Variants in PUM2 observed in about 807,000 individuals in gnomAD.
PUM2 encodes the protein pumilio homolog 2.
A neutral mutation model predicts 124.5 loss-of-function variants in PUM2; 57 were observed. That is an observed-to-expected ratio of 0.46 (90% CI 0.37 to 0.57). PUM2 has a LOEUF of 0.57. Among genes scored for constraint, PUM2 ranks in the 20% least tolerant of loss-of-function variants. The probability of loss-of-function intolerance (pLI) is 0.00; values close to 1 mark genes in which losing one functional copy is unlikely to be tolerated. For missense variants in PUM2, 1,065 were observed against 1,290.6 expected (o/e 0.83, Z 2.68); for synonymous variants, 460 against 446.1 (o/e 1.03, Z -0.39).
intron 16 of PUM2, among the ~76,000 whole-genome samples, chr2:20,257,272 CAG>C (rs1558478285): frequency 6.6e-6 from 1 of 151,842 alleles, no homozygotes; most frequent in Non-Finnish European, 1.5e-5. Flanking sequence ...CTGTAAAACT[CAG>C]AATTTCCTCT....
intron 1 of PUM2, among the ~76,000 whole-genome samples, chr2:20,332,490 G>C (rs962526470): frequency 1.3e-5 from 2 of 151,258 alleles, no homozygotes; most frequent in Non-Finnish European, 2.9e-5. Flanking sequence ...TTTCAATTAC[G>C]AGAAAGAGAA....
chr2:20,350,467 G>A (rs1298356124), intron 1 of PUM2, 130 bp downstream of exon 1: 3 of 984,046 alleles, frequency 3.0e-6, no homozygotes, highest in Non-Finnish European at 3.6e-6. Context: ...GCACCGGCCC[G>A]GGCACTCAGC....
chr2:20,345,213 C>T lies in PUM2; in HGVS notation c.-19+5384G>A, dbSNP rs182229883. On this transcript the variant is annotated intron_variant, in intron 1 of 20. Coordinates refer to ENST00000361078, the MANE Select transcript of PUM2 (RefSeq NM_015317.5). ...CTCCTGGATTCAAGTGACCTTCCCACCTCATTCCCACCTCAGCCTCCCAAA... is the reference window on the plus strand; with the variant it reads ...CTCCTGGATTCAAGTGACCTTCCCATCTCATTCCCACCTCAGCCTCCCAAA... 3.3e-5 allele frequency among the ~76,000 whole-genome samples: 5 copies of T among 151,706 alleles called. No individual in the cohort carries two copies. The East Asian group carries it at 1.0e-3, about 30-fold the overall frequency.
At chr2:20,292,935 AC>A (rs1285211707) in intron 9 of PUM2, among the ~76,000 whole-genome samples, 1 of 151,894 alleles carries the variant, frequency 6.6e-6, no homozygotes, top group Non-Finnish European at 1.5e-5. Flanking sequence ...CTCAAAAAAA[AC>A]AAAACAAAAC....
At chr2:20,275,215 G>A (rs1669967850) in intron 13 of PUM2, among the ~76,000 whole-genome samples, 1 of 151,892 alleles carries the variant, frequency 6.6e-6, no homozygotes, top group Non-Finnish European at 1.5e-5. Context: ...CAAAGAAGGT[G>A]TAATTTTAGA....
intron 1 of PUM2, among the ~76,000 whole-genome samples, chr2:20,348,817 T>G (rs1688752083): frequency 6.6e-6 from 1 of 152,140 alleles, no homozygotes; most frequent in African/African-American, 2.4e-5. Flanking sequence ...CAGCTACAGT[T>G]ACTCGGAAGG....
intron 18 of PUM2, 88 bp downstream of exon 18, chr2:20,255,128 T>C (rs954496270): frequency 3.4e-6 from 5 of 1,483,674 alleles, no homozygotes; most frequent in African/African-American, 2.8e-5. Context: ...TTGTCTATAG[T>C]GTGTTTAGTA....
chr2:20,350,427 C>G, intron 1 of PUM2, 170 bp downstream of exon 1: 2 of 945,084 alleles, frequency 2.1e-6, no homozygotes, highest in South Asian at 4.9e-5. Context: ...GGCACCCCTC[C>G]CCCTGCATTG....
At chr2:20,335,421 G>A (rs919905758) in intron 1 of PUM2, among the ~76,000 whole-genome samples, 1 of 152,142 alleles carries the variant, frequency 6.6e-6, no homozygotes, top group African/African-American at 2.4e-5. Context: ...CCAGGTTTAG[G>A]TATTTATAGG....
At chr2:20,277,379 T>C (rs1670500947) in intron 13 of PUM2, among the ~76,000 whole-genome samples, 1 of 152,118 alleles carries the variant, frequency 6.6e-6, no homozygotes, top group Non-Finnish European at 1.5e-5. Flanking sequence ...TAGGTAAATC[T>C]ACACATCTAG....
At position 20,274,957 on chromosome 2, in the gene PUM2, CAAAAAAA is replaced by C. The variant is rs774985208; in HGVS notation, c.1957+3619_1957+3625del. Among the ~76,000 whole-genome samples, 47 of 31,416 alleles carry C rather than the reference CAAAAAAA, an allele frequency of 1.5e-3. 1 individual carries two copies. In the South Asian group the frequency reaches 0.08, roughly 54 times the overall value. The allele number at this position is 31,416 out of a possible 152,430, so 20.6% of individuals were successfully genotyped here. A position where few individuals can be genotyped will look rare whatever the true frequency, so the allele number is the denominator to read the frequency against. ...TTCTTCACAACAAGTGAAGTATCTC[CAAAAAAA>C]AAAAAAAAAAGATGCTTACTTCTAT... On this transcript the variant is annotated intron_variant, in intron 13 of 20. Coordinates refer to ENST00000361078, the MANE Select transcript of PUM2 (RefSeq NM_015317.5).
chr2:20,265,014 C>A (rs1030568075), intron 13 of PUM2, among the ~76,000 whole-genome samples: 1 of 152,072 alleles, frequency 6.6e-6, no homozygotes, highest in Non-Finnish European at 1.5e-5. Context: ...AATTAATTTA[C>A]ATGCTAGCTA....
intron 10 of PUM2, among the ~76,000 whole-genome samples, chr2:20,284,345 C>T (rs1278099461): frequency 1.3e-5 from 2 of 152,154 alleles, no homozygotes; most frequent in African/African-American, 2.4e-5. Flanking sequence ...ATCAGCAAAA[C>T]ATGCATTGGC....
intron 1 of PUM2, among the ~76,000 whole-genome samples, chr2:20,332,586 G>A (rs1335768126): frequency 6.6e-6 from 1 of 152,070 alleles, no homozygotes; most frequent in African/African-American, 2.4e-5. Context: ...CTATAATAAA[G>A]TTGAAGAGAT....
At chr2:20,296,474 A>T (rs550314477) in intron 8 of PUM2, among the ~76,000 whole-genome samples, 4 of 150,582 alleles carry the variant, frequency 2.7e-5, no homozygotes, top group Admixed American at 1.3e-4. Context: ...CAGCCTGGGC[A>T]ACAGAGCGAG....
chr2:20,267,010 G>A (rs1401522265), intron 13 of PUM2, among the ~76,000 whole-genome samples: 1 of 151,552 alleles, frequency 6.6e-6, no homozygotes, highest in African/African-American at 2.4e-5. Flanking sequence ...TTGAGTAAGG[G>A]ACATCATGCC....
intron 7 of PUM2, 41 bp from the exon 8 acceptor site, chr2:20,297,719 A>C (rs776316425): frequency 1.3e-6 from 2 of 1,569,088 alleles, no homozygotes; most frequent in South Asian, 2.2e-5. Flanking sequence ...AACAATGTAA[A>C]GTATGATTTT....
intron 19 of PUM2, among the ~76,000 whole-genome samples, chr2:20,254,342 A>G (rs941138349): frequency 6.6e-6 from 1 of 152,100 alleles, no homozygotes; most frequent in African/African-American, 2.4e-5. Context: ...TTGTAGAGAA[A>G]GGATCTCCCT....
chr2:20,284,976 T>TG (rs1391190233), intron 10 of PUM2, among the ~76,000 whole-genome samples: 1 of 152,252 alleles, frequency 6.6e-6, no homozygotes, highest in African/African-American at 2.4e-5. Context: ...CTGGTATGTG[T>TG]GGTCTAGTCC....
Sources: allele counts gnomAD v4.1 joint callset (sites outside exome capture counted in the v4.1 genomes callset), GRCh38; gene constraint gnomAD v4.1.1; transcripts MANE v1.5; gene names NCBI Gene and HGNC (gene_info 2026-07-23, HGNC 2026-07-21).